Variants in SLC36A4 observed in about 807,000 individuals in gnomAD.
SLC36A4 encodes the protein neutral amino acid uniporter 4.
A neutral mutation model predicts 50.5 loss-of-function variants in SLC36A4; 49 were observed. That is an observed-to-expected ratio of 0.97 (90% confidence interval 0.77 to 1.23). The LOEUF (loss-of-function observed/expected upper bound fraction) is 1.23. Ranked by LOEUF, SLC36A4 falls within the 50% of genes most tolerant of loss-of-function variation. SLC36A4 has a pLI of 0.00. For synonymous variants in SLC36A4, 207 were observed against 206.5 expected (o/e 1.00, Z -0.02); for missense variants, 611 against 608.4 (o/e 1.00, Z -0.05).
chr11:93,180,241 A>T (rs1861677234), intron 6 of SLC36A4: 1 of 984,932 alleles, frequency 1.0e-6, no homozygotes, highest in African/African-American at 1.7e-5. Flanking sequence ...ATTGCTTTCC[A>T]TATTTGTCCA....
chr11:93,180,875 C>T lies in SLC36A4; in HGVS notation c.462G>A (p.Val154=). ...LQKQAAWGRS[V]VDFFLVITQL... ...GTGTTATCACCAGAAAAAAGTCAAC[C>T]ACACTCCTGAAAAAAGATATCCACA... The change falls in exon 6 of 11, where the codon GTG becomes GTA. Residue 154 remains valine (V), a synonymous_variant. Transcript: ENST00000326402. 1 of 1,610,168 alleles carries T rather than the reference C, an allele frequency of 6.2e-7. No individual in the cohort carries two copies. Among genetic ancestry groups the T allele is most frequent in the Non-Finnish European group, 8.5e-7 (1 of 1,176,858 alleles).
At chr11:93,196,689 T>C (rs953165201) in intron 1 of SLC36A4, among the ~76,000 whole-genome samples, 2 of 152,218 alleles carry the variant, frequency 1.3e-5, no homozygotes, top group Admixed American at 6.5e-5. Flanking sequence ...TTTTTAAGGC[T>C]AAATATATTA....
intron 7 of SLC36A4, chr11:93,166,273 A>G (rs1590948532): frequency 1.7e-6 from 2 of 1,180,042 alleles, no homozygotes; most frequent in South Asian, 5.1e-5. Context: ...ACCTGCTTCC[A>G]CCTGCAAGTC....
intron 10 of SLC36A4, among the ~76,000 whole-genome samples, chr11:93,153,046 C>A (rs944860982): frequency 6.6e-5 from 10 of 151,952 alleles, no homozygotes; most frequent in Non-Finnish European, 1.3e-4. Context: ...ATTTTATCTA[C>A]TTTTTCAGCT....
rs1265981660 is a variant in SLC36A4, at chr11:93,144,223, G to C, written c.*4314C>G. On this transcript the variant is annotated 3_prime_UTR_variant, in exon 11 of 11. Transcript: ENST00000326402. ...ATTCAGAAAAGTTACAACACTTTAA[G>C]ACAGCGTTTTTCATATTCTGTTATA... is the stretch of plus-strand genomic sequence containing the variant. 6.6e-6 allele frequency: 1 copy of C among 152,008 alleles called. No homozygotes were observed. The highest frequency in any genetic ancestry group is 1.5e-5 in the Non-Finnish European group (1 of 67,974). 9.4% of individuals were successfully genotyped at this position (152,008 alleles called of 1,614,324 possible). A position where few individuals can be genotyped will look rare whatever the true frequency, so the allele number is the denominator to read the frequency against.
intron 7 of SLC36A4, 146 bp from the exon 8 acceptor site, chr11:93,166,162 GCATCCT>G: frequency 7.8e-7 from 1 of 1,289,648 alleles, no homozygotes; most frequent in Non-Finnish European, 1.0e-6. Context: ...AACACTTAAA[GCATCCT>G]CTGTTAAATG....
intron 6 of SLC36A4, among the ~76,000 whole-genome samples, chr11:93,175,941 A>G (rs1279480919): frequency 2.3e-5 from 3 of 132,102 alleles, no homozygotes; most frequent in African/African-American, 5.8e-5. Context: ...TGGGGTGGAG[A>G]GTTCTGTAAA....
rs563346076 is a variant in SLC36A4 at position 93,179,997 on chromosome 11, A to G, written c.540+800T>C. The G allele has an allele frequency of 4.6e-6, 3 of 655,210 alleles. No homozygotes were observed. The African/African-American group carries it at 5.9e-5, about 13-fold the overall frequency. The allele number at this position is 655,210 out of a possible 1,614,324, so 40.6% of individuals were successfully genotyped here. A position where few individuals can be genotyped will look rare whatever the true frequency, so the allele number is the denominator to read the frequency against. On this transcript the variant is annotated intron_variant, in intron 6 of 10. Coordinates refer to ENST00000326402, the MANE Select transcript of SLC36A4 (RefSeq NM_152313.4). ...CAAATACACAAATGCACAAGAACCT[A>G]CACACAGGTTCTTTAGAAAACATAC...
At chr11:93,179,732 T>G (rs1047518303) in intron 6 of SLC36A4, among the ~76,000 whole-genome samples, 4 of 152,174 alleles carry the variant, frequency 2.6e-5, no homozygotes, top group Non-Finnish European at 5.9e-5. Flanking sequence ...CATACAGGGA[T>G]AGTCTAAATC....
rs71305387 is a variant in SLC36A4 at position 93,163,775 on chromosome 11, C to CATGTATGT, written c.868-908_868-901dup. ...GAGGGAGGAGGGTTTCTAGGATTCT[C>CATGTATGT]ATGTATGTATGTATGTATGTATGTA... On this transcript the variant is annotated intron_variant, in intron 8 of 10. Transcript: ENST00000326402. 4.4e-3 allele frequency among the ~76,000 whole-genome samples: 659 copies of CATGTATGT among 150,462 alleles called. 1 individual carries two copies. Among genetic ancestry groups the CATGTATGT allele is most frequent in the East Asian group, 7.3e-3 (37 of 5,046 alleles).
intron 9 of SLC36A4, chr11:93,155,193 T>A (rs1451086571): frequency 3.3e-5 from 5 of 152,106 alleles, no homozygotes; most frequent in African/African-American, 1.2e-4. Context: ...TAATATTTTA[T>A]AAAATTCAAA....
intron 1 of SLC36A4, among the ~76,000 whole-genome samples, chr11:93,195,190 C>T (rs545298901): frequency 9.0e-4 from 137 of 151,488 alleles, no homozygotes; most frequent in South Asian, 1.5e-3. Flanking sequence ...ATTCATTAGA[C>T]ACAAGTTACT....
intron 1 of SLC36A4, chr11:93,193,084 A>G: frequency 1.3e-6 from 1 of 792,088 alleles, no homozygotes; most frequent in African/African-American, 1.9e-5. Flanking sequence ...TTAGAAGCAT[A>G]TTAAGCTCTA....
At chr11:93,181,537 T>G (rs182503619) in intron 5 of SLC36A4, among the ~76,000 whole-genome samples, 154 bp downstream of exon 5, 1 of 152,090 alleles carries the variant, frequency 6.6e-6, no homozygotes. Context: ...AATGGTCAAG[T>G]TGAGATTAGA....
chr11:93,172,445 CTT>C (rs760112270), intron 6 of SLC36A4, among the ~76,000 whole-genome samples: 2 of 143,326 alleles, frequency 1.4e-5, no homozygotes, highest in African/African-American at 5.2e-5. Context: ...CTGTATCATT[CTT>C]TTTTTTTTTT....
intron 8 of SLC36A4, 43 bp downstream of exon 8, chr11:93,165,875 G>T: frequency 1.6e-6 from 2 of 1,264,742 alleles, no homozygotes; most frequent in South Asian, 2.8e-5. Context: ...TCATTGTGCT[G>T]AATTAAGATT....
At chr11:93,171,018 T>C (rs565789241) in intron 6 of SLC36A4, 1 of 152,172 alleles carries the variant, frequency 6.6e-6, no homozygotes, top group Admixed American at 6.5e-5. Flanking sequence ...GTGTCTACTA[T>C]TGTATAATGC....
At chr11:93,148,958 T>C in intron 10 of SLC36A4, 114 bp from the exon 11 acceptor site, 4 of 1,093,938 alleles carry the variant, frequency 3.7e-6, no homozygotes, top group Non-Finnish European at 5.2e-6. Context: ...TTAATGAAAG[T>C]TGAACTACTA....
chr11:93,190,558 T>G (rs1862173907), intron 1 of SLC36A4, among the ~76,000 whole-genome samples: 1 of 152,206 alleles, frequency 6.6e-6, no homozygotes, highest in Non-Finnish European at 1.5e-5. Flanking sequence ...CCTTTAACTC[T>G]CTTATAATGA....
Sources: allele counts gnomAD v4.1 joint callset (sites outside exome capture counted in the v4.1 genomes callset), GRCh38; gene constraint gnomAD v4.1.1; transcripts MANE v1.5; gene names NCBI Gene and HGNC (gene_info 2026-07-23, HGNC 2026-07-21).